CAPRIN2: variants seen among roughly 807,000 people sequenced by gnomAD.
The protein encoded by CAPRIN2 is caprin family member 2, also known as caprin-2.
Under a neutral mutation model 130.4 loss-of-function variants are expected in CAPRIN2, and 66 were observed. The ratio of observed to expected loss-of-function variants is 0.51; its 90% CI spans 0.42 to 0.62. The LOEUF (loss-of-function observed/expected upper bound fraction) is 0.62, where lower values mean the gene tolerates loss of function less well. Ranked by LOEUF, CAPRIN2 falls within the 20% of genes least tolerant of loss-of-function variation. The probability of loss-of-function intolerance (pLI) is 0.00; values close to 1 mark genes in which losing one functional copy is unlikely to be tolerated. For synonymous variants in CAPRIN2, 471 were observed against 444.1 expected (o/e 1.06, Z -0.76); for missense variants, 1,185 against 1,246.6 (o/e 0.95, Z 0.74).
intron 5 of CAPRIN2, among the ~76,000 whole-genome samples, chr12:30,732,241 CATTTT>C (rs2062967511): frequency 1.3e-5 from 2 of 151,944 alleles, no homozygotes; most frequent in Admixed American, 6.6e-5. Flanking sequence ...AGTCTAAAGT[CATTTT>C]ATTTTAAAAA....
In CAPRIN2 at chr12:30,709,742, G is replaced by A. The variant is rs776477965; in HGVS notation, c.*160C>T. ...ATTAGTGCTAATTGTCATTCAGCTT[G>A]ATTTTTCACCTCAGGAAGGAAAACA... is the stretch of plus-strand genomic sequence containing the variant. On this transcript the variant is annotated 3_prime_UTR_variant, in exon 17 of 17. Transcript: ENST00000298892. The A allele has an allele frequency of 4.3e-6, 3 of 699,240 alleles. No homozygotes were observed. The African/African-American group carries it at 5.4e-5, about 13-fold the overall frequency. The allele number at this position is 699,240 out of a possible 1,614,324, so 43.3% of individuals were successfully genotyped here.
chr12:30,736,898 A>G (rs570092155), intron 3 of CAPRIN2, among the ~76,000 whole-genome samples: 10 of 152,352 alleles, frequency 6.6e-5, no homozygotes, highest in Non-Finnish European at 1.3e-4. Flanking sequence ...TCAGACAATT[A>G]TACCACATGA....
In CAPRIN2 at chr12:30,739,320, CAT is replaced by C. The variant is rs755711174; in HGVS notation, c.570+1698_570+1699del. On this transcript the variant is annotated intron_variant, in intron 3 of 16. Transcript: ENST00000298892. ...ACACAGAAACAGAAAGCAAATACCA[CAT>C]GTTCTCACATATAAGTGGGGGCTAA... 9.2e-5 allele frequency among the ~76,000 whole-genome samples: 14 copies of C among 151,964 alleles called. No individual in the cohort carries two copies. In the East Asian group the frequency reaches 2.7e-3, roughly 29 times the overall value.
chr12:30,751,399 C>G, intron 1 of CAPRIN2: 1 of 378,104 alleles, frequency 2.6e-6, no homozygotes, highest in Non-Finnish European at 5.0e-6. Flanking sequence ...AATAACTAGA[C>G]TACTTAACCC....
chr12:30,723,479 T>C (rs1458834101), intron 10 of CAPRIN2, among the ~76,000 whole-genome samples, 165 bp from the exon 12 acceptor site: 1 of 152,212 alleles, frequency 6.6e-6, no homozygotes, highest in Non-Finnish European at 1.5e-5. Flanking sequence ...AAGAGAGAAC[T>C]GTAGAAGAAT....
exon 12 of CAPRIN2, chr12:30,720,869 G>A: frequency 6.2e-7 from 1 of 1,613,822 alleles, no homozygotes; most frequent in Non-Finnish European, 8.5e-7. Context: ...CTGATCGGTA[G>A]TAACCAAGCA....
intron 12 of CAPRIN2, among the ~76,000 whole-genome samples, chr12:30,717,866 T>C (rs754475870): frequency 6.6e-6 from 1 of 152,232 alleles, no homozygotes; most frequent in Non-Finnish European, 1.5e-5. Flanking sequence ...CAGCACCTGA[T>C]ATACAGGTAT....
chr12:30,711,176 C>T (rs17687846), intron 16 of CAPRIN2, among the ~76,000 whole-genome samples: 9,118 of 152,288 alleles, frequency 0.06, 358 homozygotes, highest in Middle Eastern at 0.12. Flanking sequence ...TGTCTCAAGT[C>T]ACGGTGTCTT....
Position 30,749,610 on chromosome 12 carries a change from C to G in CAPRIN2, c.483+1461G>C, listed in dbSNP as rs2072643890. Among the ~76,000 whole-genome samples, 3 of 152,284 alleles carry G rather than the reference C, an allele frequency of 2.0e-5. No homozygotes were observed. In the South Asian group the frequency reaches 6.2e-4, roughly 32 times the overall value. On this transcript the variant is annotated intron_variant, in intron 2 of 16. Transcript: ENST00000298892. ...GCTATGAGGAGAAAGGAGATAAATT[C>G]TCCAAGATTTTTGGCAACTCCTGCT...
At chr12:30,734,272 A>G (rs1229502969) in intron 4 of CAPRIN2, among the ~76,000 whole-genome samples, 1 of 152,166 alleles carries the variant, frequency 6.6e-6, no homozygotes, top group Non-Finnish European at 1.5e-5. Context: ...TCAGAGACTG[A>G]TTTCTGGTAA....
Position 30,723,429 on chromosome 12 carries a change from C to A in CAPRIN2, c.1988-115G>T, listed in dbSNP as rs369753787. 114 of 682,264 alleles carry A rather than the reference C, an allele frequency of 1.7e-4. 1 individual carries two copies. The East Asian group carries it at 2.5e-3, about 15-fold the overall frequency. The allele number at this position is 682,264 out of a possible 1,614,324, so 42.3% of individuals were successfully genotyped here. On this transcript the variant is annotated intron_variant, in intron 10 of 16. Coordinates refer to ENST00000298892, the Ensembl canonical transcript of CAPRIN2. ...AAAAAGACATTAGCTGGAAGGACTA[C>A]GTCTCAAGTTCATCATGCACTTTCT...
At chr12:30,731,222 A>AT in intron 6 of CAPRIN2, 121 bp downstream of exon 7, 1 of 650,768 alleles carries the variant, frequency 1.5e-6, no homozygotes, top group South Asian at 2.5e-5. Flanking sequence ...GTGGTAAGTA[A>AT]AGATTTCCAT....
At chr12:30,711,446 G>T in intron 16 of CAPRIN2, 120 bp downstream of exon 18, 1 of 785,438 alleles carries the variant, frequency 1.3e-6, no homozygotes, top group Non-Finnish European at 2.2e-6. Context: ...CAAGCAAATT[G>T]AAAACCTCAA....
chr12:30,728,554 C>CAAAA (rs11406794), intron 8 of CAPRIN2, 94 bp downstream of exon 9: 131 of 809,028 alleles, frequency 1.6e-4, no homozygotes, highest in Non-Finnish European at 2.0e-4. Context: ...TTCTCCATCT[C>CAAAA]AAAAAAAAAA....
At position 30,710,289 on chromosome 12, in the gene CAPRIN2, G is replaced by A; in HGVS notation, c.2847C>T (p.Ala949=). Residue 949 remains alanine (A), a synonymous_variant, in exon 17 of 17, where the codon GCC becomes GCT. Coordinates refer to ENST00000298892, the Ensembl canonical transcript of CAPRIN2. The surrounding 1 kb of genome is among the most constrained non-coding windows in gnomAD (Gnocchi z 4.8). ...GATTAGAGGTTCTGGCTGCTGAGAA[G>A]GCAACTCGCATCTGCTGAGGCAGAG... The A allele has an allele frequency of 6.2e-7, 1 of 1,614,184 alleles. No individual in the cohort carries two copies. The highest frequency in any genetic ancestry group is 8.5e-7 in the Non-Finnish European group (1 of 1,180,044).
At chr12:30,740,603 T>C (rs2067012439) in intron 3 of CAPRIN2, among the ~76,000 whole-genome samples, 1 of 152,200 alleles carries the variant, frequency 6.6e-6, no homozygotes, top group Non-Finnish European at 1.5e-5. Flanking sequence ...TTTCATGCTT[T>C]CAAGAAGACT....
chr12:30,749,965 T>C (rs2072916537), intron 2 of CAPRIN2, among the ~76,000 whole-genome samples: 2 of 152,132 alleles, frequency 1.3e-5, no homozygotes, highest in African/African-American at 2.4e-5. Flanking sequence ...CAACCCCCTC[T>C]CCCCGATGTT....
At chr12:30,721,154 A>T (rs1204305980) in intron 11 of CAPRIN2, among the ~76,000 whole-genome samples, 1 of 152,238 alleles carries the variant, frequency 6.6e-6, no homozygotes, top group African/African-American at 2.4e-5. Flanking sequence ...TTTGCCCAAG[A>T]TCATACTACA....
intron 12 of CAPRIN2, among the ~76,000 whole-genome samples, chr12:30,716,913 A>T (rs2057766230): frequency 6.6e-6 from 1 of 152,254 alleles, no homozygotes; most frequent in Admixed American, 6.5e-5. Flanking sequence ...ACCCATTAGC[A>T]GGGCTATTAT....
Sources: allele counts gnomAD v4.1 joint callset (sites outside exome capture counted in the v4.1 genomes callset), GRCh38; gene constraint gnomAD v4.1.1; non-coding constraint Gnocchi (gnomAD v3.1); transcripts MANE v1.5; gene names NCBI Gene and HGNC (gene_info 2026-07-23, HGNC 2026-07-21).